POLM: variants seen among roughly 807,000 people sequenced by gnomAD.
The protein encoded by POLM is DNA polymerase mu.
In POLM, 52 loss-of-function variants were observed where a neutral mutation model predicts 56.7. That is an observed-to-expected ratio of 0.92 (90% confidence interval 0.73 to 1.15). The LOEUF (loss-of-function observed/expected upper bound fraction) is 1.15, where lower values mean the gene tolerates loss of function less well. Ranked by LOEUF, POLM falls within the 50% of genes most tolerant of loss-of-function variation. POLM has a pLI of 0.00. For missense variants in POLM, 660 were observed against 663.6 expected (o/e 0.99, Z 0.06); for synonymous variants, 273 against 274.3 (o/e 1.00, Z 0.05).
intron 6 of POLM, 37 bp from the exon 7 acceptor site, chr7:44,074,567 T>A: frequency 6.6e-7 from 1 of 1,513,654 alleles, no homozygotes; most frequent in Non-Finnish European, 8.9e-7. Flanking sequence ...TCACCCAGCC[T>A]GCCCACCACA....
At chr7:44,073,424 T>C in intron 10 of POLM, 47 bp from the exon 11 acceptor site, 1 of 1,600,500 alleles carries the variant, frequency 6.2e-7, no homozygotes, top group Non-Finnish European at 8.5e-7. Context: ...TTGCCACTGC[T>C]GCTTCCCTGC....
chr7:44,073,509 G>A (rs1379470034), intron 10 of POLM, 116 bp downstream of exon 10: 2 of 1,589,044 alleles, frequency 1.3e-6, no homozygotes, highest in African/African-American at 2.7e-5. Flanking sequence ...TGTGTGTGGA[G>A]ACCCAGATTC....
In POLM at chr7:44,082,358, G is replaced by A; in HGVS notation, c.81C>T (p.Phe27=). 3 of 1,550,592 alleles carry A rather than the reference G, an allele frequency of 1.9e-6. No individual in the cohort carries two copies. The highest frequency in any genetic ancestry group is 1.2e-5 in the South Asian group (1 of 84,554). ...CGACCAGGTAGATGGCGACTCCCGG[G>A]AAGCGCGTCGAGGGCGGCGTGGAGG... ...AASSTPPSTR[F]PGVAIYLVEP... Residue 27 remains phenylalanine (F), a synonymous_variant, in exon 1 of 11, where the codon TTC becomes TTT. Coordinates refer to ENST00000242248, the MANE Select transcript of POLM (RefSeq NM_013284.4).
intron 5 of POLM, among the ~76,000 whole-genome samples, chr7:44,077,455 T>C (rs775158007): frequency 3.9e-5 from 6 of 152,222 alleles, no homozygotes; most frequent in African/African-American, 7.2e-5. Flanking sequence ...GGTGGGTCAC[T>C]GTCACTTGCA....
In POLM at chr7:44,072,984, C is replaced by A; in HGVS notation, c.*307G>T. 4 of 855,790 alleles carry A rather than the reference C, an allele frequency of 4.7e-6. No homozygotes were observed. The highest frequency in any genetic ancestry group is 6.9e-6 in the Non-Finnish European group (4 of 581,844). 53.0% of individuals were successfully genotyped at this position (855,790 alleles called of 1,614,324 possible). A position where few individuals can be genotyped will look rare whatever the true frequency, so the allele number is the denominator to read the frequency against. On this transcript the variant is annotated 3_prime_UTR_variant, in exon 11 of 11. Transcript: ENST00000242248. The stretch of plus-strand genomic sequence containing the variant: ...TTCATGACTGCAGGCCCCACCACAG[C>A]TCCACGATGTGGGCCCCACTCACAT...
Position 44,073,638 on chromosome 7 carries a change from AACAGCCCATGGCTGTT to A in POLM, c.1369_1384del (p.Asn457LeufsTer110). The A allele has an allele frequency of 6.2e-7, 1 of 1,614,138 alleles. No homozygotes were observed. Among genetic ancestry groups the A allele is most frequent in the South Asian group, 1.1e-5 (1 of 91,072 alleles). ...CCAACAATGTACCTGCTCCGGGTCAAACAGCCCATGGCTGTTCAGCCACAGGCCCTTCTCCTTCCGG... is the reference window on the plus strand; with the variant it reads ...CCAACAATGTACCTGCTCCGGGTCAACAGCCACAGGCCCTTCTCCTTCCGG... On this transcript the variant is annotated frameshift_variant, in exon 10 of 11. Coordinates refer to ENST00000242248, the MANE Select transcript of POLM (RefSeq NM_013284.4). LOFTEE classifies it high-confidence loss of function.
chr7:44,081,488 G>A (rs1293336509), intron 1 of POLM, among the ~76,000 whole-genome samples: 1 of 152,154 alleles, frequency 6.6e-6, no homozygotes, highest in South Asian at 2.1e-4. Flanking sequence ...ACACAACTGT[G>A]GGGGAATACT....
At chr7:44,076,884 G>T in intron 5 of POLM, 1 of 447,584 alleles carries the variant, frequency 2.2e-6, no homozygotes, top group South Asian at 3.1e-5. Context: ...TCTAGCCTGT[G>T]ATTCCAACAT....
In POLM at chr7:44,079,860, C is replaced by G; in HGVS notation, c.471+1G>C. On this transcript the variant is annotated splice_donor_variant, in intron 3 of 10. Coordinates refer to ENST00000242248, the MANE Select transcript of POLM (RefSeq NM_013284.4). LOFTEE classifies it high-confidence loss of function. ...GGCCAAGGCTCATAGAAGCGGCTTA[C>G]GGAGAGGCCAGTGTTGTGGTGTGTG... is the stretch of plus-strand genomic sequence containing the variant. 1 of 1,613,956 alleles carries G rather than the reference C, an allele frequency of 6.2e-7. No homozygotes were observed. The highest frequency in any genetic ancestry group is 1.1e-5 in the South Asian group (1 of 91,076).
Position 44,073,318 on chromosome 7 carries a change from G to A in POLM, c.1458C>T (p.Tyr486=). The A allele has an allele frequency of 6.2e-7, 1 of 1,614,204 alleles. No homozygotes were observed. The highest frequency in any genetic ancestry group is 8.5e-7 in the Non-Finnish European group (1 of 1,180,008). Residue 486 remains tyrosine, a synonymous_variant, in exon 11 of 11, where the codon TAC becomes TAT. Transcript: ENST00000242248. ...EDIFRHLGLE[Y]LPPEQRNA is the part of the protein sequence containing the mutation. ...AGGCGTTTCTCTGCTCTGGAGGAAG[G>A]TACTCAAGGCCCAGGTGTCTGAAGA...
chr7:44,073,883 G>A lies in POLM; in HGVS notation c.1214C>T (p.Ser405Phe). Residue 405 changes from serine to phenylalanine, a missense_variant, in exon 9 of 11, where the codon TCC becomes TTC. Transcript: ENST00000242248. Reference protein sequence around the residue: ...PQPPGAAVGGSTRPCPSWKAV... With the variant: ...PQPPGAAVGGFTRPCPSWKAV... ...CTTCCAGGATGGGCAGGGCCTCGTG[G>A]ATCCCCCCACAGCAGCCCCTGGAGG... 2 of 1,614,258 alleles carry A rather than the reference G, an allele frequency of 1.2e-6. No individual in the cohort carries two copies. The highest frequency in any genetic ancestry group is 1.7e-6 in the Non-Finnish European group (2 of 1,180,046).
At position 44,080,900 on chromosome 7, in the gene POLM, CAT is replaced by C; in HGVS notation, c.203_204del (p.His68ArgfsTer102). The C allele has an allele frequency of 1.9e-6, 3 of 1,576,102 alleles. No homozygotes were observed. Among genetic ancestry groups the C allele is most frequent in the African/African-American group, 1.4e-5 (1 of 73,996 alleles). On this transcript the variant is annotated frameshift_variant, in exon 2 of 11. Coordinates refer to ENST00000242248, the MANE Select transcript of POLM (RefSeq NM_013284.4). LOFTEE classifies it high-confidence loss of function. ...TCTGCTGAGGTCTCTTCCATCACAA[CAT>C]GTGTCGCTTCGGAGCTGGTGGAGGG... ...VLDACSSEAT[H>X]VVMEETSAEE...
rs2096203174 is a variant in POLM, at chr7:44,082,466, G to A, written c.-28C>T. The A allele has an allele frequency of 2.7e-6, 3 of 1,129,954 alleles. No individual in the cohort carries two copies. The highest frequency in any genetic ancestry group is 3.3e-6 in the Non-Finnish European group (3 of 910,196). 70.0% of individuals were successfully genotyped at this position (1,129,954 alleles called of 1,614,324 possible). A position where few individuals can be genotyped will look rare whatever the true frequency, so the allele number is the denominator to read the frequency against. On this transcript the variant is annotated 5_prime_UTR_variant, in exon 1 of 11. Coordinates refer to ENST00000242248, the MANE Select transcript of POLM (RefSeq NM_013284.4). ...GGACGACAGCCTCCAGCAGCGCGGAGCGAACGCAGAGGGAAACTCCGAGCG... is the reference window on the plus strand; with the variant it reads ...GGACGACAGCCTCCAGCAGCGCGGAACGAACGCAGAGGGAAACTCCGAGCG...
intron 7 of POLM, 36 bp from the exon 8 acceptor site, chr7:44,074,269 G>T (rs766937371): frequency 1.3e-6 from 2 of 1,549,556 alleles, no homozygotes; most frequent in Admixed American, 2.0e-5. Flanking sequence ...TCAGGGACAC[G>T]GCCTGCTCAC....
intron 10 of POLM, 73 bp downstream of exon 10, chr7:44,073,552 G>C (rs1165585988): frequency 1.2e-6 from 2 of 1,605,478 alleles, no homozygotes; most frequent in East Asian, 2.2e-5. Context: ...GAGGGGTCTG[G>C]GGCCATTTCA....
At position 44,082,486 on chromosome 7, in the gene POLM, C is replaced by T. The variant is rs2096203263; in HGVS notation, c.-48G>A. 14 of 863,056 alleles carry T rather than the reference C, an allele frequency of 1.6e-5. 1 individual carries two copies. The highest frequency in any genetic ancestry group is 8.6e-5 in the South Asian group (3 of 34,736). 53.5% of individuals were successfully genotyped at this position (863,056 alleles called of 1,614,324 possible). On this transcript the variant is annotated 5_prime_UTR_variant, in exon 1 of 11. Coordinates refer to ENST00000242248, the MANE Select transcript of POLM (RefSeq NM_013284.4). ...GCGGAGCGAACGCAGAGGGAAACTC[C>T]GAGCGAGACGGAAGGAAGCCCCAGT...
chr7:44,076,712 C>T (rs1457223021), intron 5 of POLM, 83 bp from the exon 6 acceptor site: 1 of 1,542,838 alleles, frequency 6.5e-7, no homozygotes, highest in African/African-American at 1.4e-5. Context: ...CGGTGTGGCC[C>T]ATGGAGCACC....
At chr7:44,081,030 G>T in intron 1 of POLM, 114 bp from the exon 2 acceptor site, 2 of 847,656 alleles carry the variant, frequency 2.4e-6, no homozygotes, top group African/African-American at 1.7e-5. Context: ...CATTCATCCT[G>T]CAAACGTCAC....
intron 5 of POLM, 157 bp downstream of exon 5, chr7:44,078,583 C>G: frequency 3.2e-6 from 2 of 627,212 alleles, no homozygotes; most frequent in East Asian, 5.6e-5. Context: ...TTGTGCATAT[C>G]AGGTATCAGC....
Sources: gnomAD v4.1 joint callset for allele counts (sites outside exome capture counted in the v4.1 genomes callset) on GRCh38, gnomAD v4.1.1 for gene constraint, MANE v1.5 for transcripts, NCBI Gene and HGNC (gene_info 2026-07-23, HGNC 2026-07-21) for gene names.